Variants in CMC1 observed in about 807,000 individuals in gnomAD.
CMC1 encodes C-X9-C motif containing 1, also known as COX assembly mitochondrial protein homolog.
In CMC1, 14 loss-of-function variants were observed where a neutral mutation model predicts 14.1. The observed-to-expected ratio is 0.99, with a 90% confidence interval of 0.66 to 1.55. The LOEUF (loss-of-function observed/expected upper bound fraction) is 1.55. Ranked by LOEUF, CMC1 falls within the 40% of genes most tolerant of loss-of-function variation. CMC1 has a pLI of 0.00. For synonymous variants in CMC1, 50 were observed against 38.4 expected, an observed-to-expected ratio of 1.30 and a Z score of -1.12; for missense variants, 127 against 123.8, an observed-to-expected ratio of 1.03 and a Z score of -0.12.
chr3:28,294,521 TA>T, intron 2 of CMC1: 1 of 855,756 alleles, frequency 1.2e-6, no homozygotes, highest in Non-Finnish European at 1.4e-6. Context: ...TATAGCTACA[TA>T]AATAGTAGTG....
chr3:28,251,834 A>T (rs1447892427), intron 1 of CMC1, among the ~76,000 whole-genome samples: 2 of 152,176 alleles, frequency 1.3e-5, no homozygotes, highest in Non-Finnish European at 1.5e-5. Flanking sequence ...GAGGAAAAAA[A>T]GTAAATCAGG....
chr3:28,309,982 CACACACA>C (rs1372109263), intron 2 of CMC1, among the ~76,000 whole-genome samples: 3 of 149,992 alleles, frequency 2.0e-5, no homozygotes, highest in Non-Finnish European at 4.4e-5. Flanking sequence ...CACACACACA[CACACACA>C]CGCTAATAGC....
Position 28,278,442 on chromosome 3 carries a change from TGTG to T in CMC1, c.109+15068_109+15070del, listed in dbSNP as rs1200572927. 3.3e-5 allele frequency among the ~76,000 whole-genome samples: 5 copies of T among 152,282 alleles called. No individual in the cohort carries two copies. In the South Asian group the frequency reaches 6.2e-4, roughly 19 times the overall value. On this transcript the variant is annotated intron_variant, in intron 2 of 3. Transcript: ENST00000466830. Reference sequence around the variant, plus strand: ...CAAAGGAGTAGAATGTTTGTACAATTGTGGTGGTTCTAATGTTTTTGTGCACAT... The same window carrying T: ...CAAAGGAGTAGAATGTTTGTACAATTGTGGTTCTAATGTTTTTGTGCACAT...
At chr3:28,319,195 G>A in intron 3 of CMC1, 1 of 462,344 alleles carries the variant, frequency 2.2e-6, no homozygotes, top group South Asian at 1.6e-5. Context: ...GGTGCACTGG[G>A]CCATACCTCT....
At chr3:28,284,572 T>C (rs1701073751) in intron 2 of CMC1, among the ~76,000 whole-genome samples, 1 of 152,164 alleles carries the variant, frequency 6.6e-6, no homozygotes, top group Non-Finnish European at 1.5e-5. Flanking sequence ...TGAGAAATAA[T>C]GGATTAGCCA....
In CMC1 at chr3:28,241,666, G is replaced by C; in HGVS notation, c.-128G>C. ...GGGTCCTGGCGGTGCTTTGCAAAGG[G>C]CCCGTGTTTCTGTTGCGGGAAGCTC... On this transcript the variant is annotated 5_prime_UTR_variant, in exon 1 of 4. Transcript: ENST00000466830. 4.1e-6 allele frequency: 5 copies of C among 1,234,476 alleles called. No individual in the cohort carries two copies. The highest frequency in any genetic ancestry group is 3.1e-5 in the African/African-American group (2 of 64,496). The allele number at this position is 1,234,476 out of a possible 1,614,324, so 76.5% of individuals were successfully genotyped here. A position where few individuals can be genotyped will look rare whatever the true frequency, so the allele number is the denominator to read the frequency against.
At chr3:28,271,871 T>C (rs1053665789) in intron 2 of CMC1, among the ~76,000 whole-genome samples, 6 of 152,172 alleles carry the variant, frequency 3.9e-5, no homozygotes, top group African/African-American at 1.4e-4. Context: ...ATGGAATGTT[T>C]TTCCATTTGT....
At chr3:28,278,195 A>G (rs778438462) in intron 2 of CMC1, among the ~76,000 whole-genome samples, 2 of 152,158 alleles carry the variant, frequency 1.3e-5, no homozygotes, top group Non-Finnish European at 2.9e-5. Context: ...AGAGAAAGAG[A>G]TGGCTCCTTA....
chr3:28,247,798 G>A (rs890541046), intron 1 of CMC1, among the ~76,000 whole-genome samples: 1 of 152,060 alleles, frequency 6.6e-6, no homozygotes. Context: ...ACAGGTTGTG[G>A]TTAACAAGTT....
At chr3:28,307,167 T>G (rs13099977) in intron 2 of CMC1, among the ~76,000 whole-genome samples, 31,172 of 152,176 alleles carry the variant, frequency 0.2, 3,606 homozygotes, top group Admixed American at 0.28. Context: ...TGCCCTGTTT[T>G]TAGCACAATG....
At chr3:28,283,545 C>CAAT (rs1701009726) in intron 2 of CMC1, among the ~76,000 whole-genome samples, 1 of 62,404 alleles carries the variant, frequency 1.6e-5, no homozygotes, top group Non-Finnish European at 3.6e-5. Flanking sequence ...ACAACAACAA[C>CAAT]AAAAACAAAA....
intron 1 of CMC1, among the ~76,000 whole-genome samples, chr3:28,257,434 T>C (rs1178175764): frequency 6.6e-6 from 1 of 152,170 alleles, no homozygotes; most frequent in African/African-American, 2.4e-5. Context: ...AATAGTATCA[T>C]TGTTTTTTAT....
chr3:28,258,882 C>T (rs1275854060), intron 1 of CMC1, among the ~76,000 whole-genome samples: 1 of 152,048 alleles, frequency 6.6e-6, no homozygotes, highest in Non-Finnish European at 1.5e-5. Context: ...CTCGGCCTCC[C>T]AAAGTGCTGG....
At chr3:28,276,580 T>C (rs992044129) in intron 2 of CMC1, among the ~76,000 whole-genome samples, 1 of 152,182 alleles carries the variant, frequency 6.6e-6, no homozygotes, top group African/African-American at 2.4e-5. Flanking sequence ...AAATTAAATA[T>C]GGCCTTTAAG....
intron 1 of CMC1, among the ~76,000 whole-genome samples, chr3:28,252,335 A>G (rs1699171866): frequency 6.6e-6 from 1 of 152,200 alleles, no homozygotes; most frequent in Admixed American, 6.5e-5. Context: ...TACTTGACCC[A>G]GAAGCTAAGC....
intron 2 of CMC1, among the ~76,000 whole-genome samples, chr3:28,301,998 AGGAAACAC>A (rs1702074999): frequency 6.6e-6 from 1 of 152,172 alleles, no homozygotes; most frequent in Admixed American, 6.5e-5. Context: ...AAGATGGAGT[AGGAAACAC>A]TTTGTGAAAT....
chr3:28,272,148 A>G (rs1700324306), intron 2 of CMC1, among the ~76,000 whole-genome samples: 1 of 152,216 alleles, frequency 6.6e-6, no homozygotes, highest in South Asian at 2.1e-4. Flanking sequence ...TTTTCTAGAT[A>G]TAGGATCATG....
chr3:28,244,120 G>C (rs888922837), intron 1 of CMC1, among the ~76,000 whole-genome samples: 3 of 152,226 alleles, frequency 2.0e-5, no homozygotes, highest in Non-Finnish European at 4.4e-5. Flanking sequence ...GAGGCTGCAA[G>C]TCCTCAAAGG....
chr3:28,249,865 C>T (rs1261577503), intron 1 of CMC1, among the ~76,000 whole-genome samples: 1 of 152,114 alleles, frequency 6.6e-6, no homozygotes, highest in East Asian at 1.9e-4. Context: ...TCAAGGAGAT[C>T]TGGTTGCTGA....
Sources: allele counts gnomAD v4.1 joint callset (sites outside exome capture counted in the v4.1 genomes callset), GRCh38; gene constraint gnomAD v4.1.1; transcripts MANE v1.5; gene names NCBI Gene and HGNC (gene_info 2026-07-23, HGNC 2026-07-21).